The following AEBP2 variants were observed in gnomAD, a reference collection of about 807,000 sequenced individuals.
AEBP2 encodes zinc finger protein AEBP2.
A neutral mutation model predicts 50.8 loss-of-function variants in AEBP2; 10 were observed. That is an observed-to-expected ratio of 0.20 (90% CI 0.12 to 0.33). AEBP2 has a LOEUF of 0.33. AEBP2 is among the 10% of genes least tolerant of loss of function. The pLI is 1.00. For synonymous variants in AEBP2, 296 were observed against 261.3 expected (o/e 1.13, Z -1.28); for missense variants, 570 against 688.0 (o/e 0.83, Z 1.92).
chr12:19,434,182 T>A (rs11044557), intron 1 of AEBP2, among the ~76,000 whole-genome samples: 7,831 of 151,536 alleles, frequency 0.052, 460 homozygotes, highest in East Asian at 0.18. Flanking sequence ...GTAATTTTTT[T>A]TTTTTTTTGA....
At chr12:19,408,559 C>T (rs554523687) in intron 1 of AEBP2, among the ~76,000 whole-genome samples, 6 of 150,482 alleles carry the variant, frequency 4.0e-5, no homozygotes, top group African/African-American at 9.8e-5. Context: ...AAAAAGAAAG[C>T]GTTTTCTCGT....
chr12:19,506,480 A>C (rs1484647749), intron 5 of AEBP2, among the ~76,000 whole-genome samples: 2 of 152,222 alleles, frequency 1.3e-5, no homozygotes, highest in African/African-American at 4.8e-5. Context: ...AACTGTACCC[A>C]TTGAAAGTAT....
chr12:19,479,648 T>G (rs1948696596), intron 3 of AEBP2, among the ~76,000 whole-genome samples: 1 of 150,112 alleles, frequency 6.7e-6, no homozygotes, highest in Non-Finnish European at 1.5e-5. Flanking sequence ...TGGGTGCATA[T>G]ATATTTAGGA....
chr12:19,429,490 C>T (rs532241636), intron 1 of AEBP2, among the ~76,000 whole-genome samples: 3 of 152,132 alleles, frequency 2.0e-5, no homozygotes, highest in Non-Finnish European at 4.4e-5. Context: ...TGGGTATATA[C>T]CCAGTAATGG....
In AEBP2 at chr12:19,518,504, A is replaced by ACAT. The variant is rs1565741532; in HGVS notation, c.*388_*390dup. Reference sequence around the variant, plus strand: ...TATATTGGAAAGAAAAACAATTACAACATGTGCCCTTACAAATACCAAAAG... The same window carrying ACAT: ...TATATTGGAAAGAAAAACAATTACAACATCATGTGCCCTTACAAATACCAAAAG... On this transcript the variant is annotated 3_prime_UTR_variant, in exon 8 of 8. Transcript: ENST00000266508. 5 of 1,254,076 alleles carry ACAT rather than the reference A, an allele frequency of 4.0e-6. No individual in the cohort carries two copies. Among genetic ancestry groups the ACAT allele is most frequent in the Admixed American group, 3.9e-5 (1 of 25,518 alleles). 77.7% of individuals were successfully genotyped at this position (1,254,076 alleles called of 1,614,324 possible).
chr12:19,484,711 G>A (rs1565725957), intron 3 of AEBP2, among the ~76,000 whole-genome samples: 1 of 151,828 alleles, frequency 6.6e-6, no homozygotes. Flanking sequence ...TTCATTATGG[G>A]TTAGGTTGAA....
intron 1 of AEBP2, among the ~76,000 whole-genome samples, chr12:19,451,086 A>G (rs764185159): frequency 1.3e-5 from 2 of 152,318 alleles, no homozygotes; most frequent in East Asian, 1.9e-4. Flanking sequence ...TTAGAGTTGT[A>G]AGCATTACAG....
At chr12:19,417,991 T>C (rs1344951811) in intron 1 of AEBP2, among the ~76,000 whole-genome samples, 1 of 152,136 alleles carries the variant, frequency 6.6e-6, no homozygotes, top group East Asian at 1.9e-4. Context: ...CATGAGGCAC[T>C]GCGCCCGGCC....
intron 1 of AEBP2, among the ~76,000 whole-genome samples, chr12:19,404,689 G>T (rs1352480136): frequency 2.0e-5 from 3 of 152,226 alleles, no homozygotes; most frequent in Middle Eastern, 3.4e-3. Flanking sequence ...ACTGGGTTCC[G>T]CAGAAAAGAA....
chr12:19,463,951 T>C (rs1379839265), intron 2 of AEBP2, among the ~76,000 whole-genome samples: 1 of 152,032 alleles, frequency 6.6e-6, no homozygotes, highest in Non-Finnish European at 1.5e-5. Context: ...CAGGCGTGAG[T>C]CACCGTGTGT....
chr12:19,427,549 T>A (rs1202350159), intron 1 of AEBP2, among the ~76,000 whole-genome samples: 1 of 150,732 alleles, frequency 6.6e-6, no homozygotes, highest in Non-Finnish European at 1.5e-5. Context: ...ATAACCAGCT[T>A]TCCTGGTTCT....
At chr12:19,469,334 T>C (rs1338368141) in intron 2 of AEBP2, among the ~76,000 whole-genome samples, 1 of 152,228 alleles carries the variant, frequency 6.6e-6, no homozygotes, top group Non-Finnish European at 1.5e-5. Flanking sequence ...CAGTGTCTAA[T>C]ATAAACCCAG....
At chr12:19,518,026 T>A in intron 7 of AEBP2, 61 bp from the exon 8 acceptor site, 1 of 1,464,500 alleles carries the variant, frequency 6.8e-7, no homozygotes, top group Admixed American at 2.2e-5. Flanking sequence ...TAATGTCTCT[T>A]GAAGCACTCA....
chr12:19,405,646 A>G (rs956712995), intron 1 of AEBP2, among the ~76,000 whole-genome samples: 1 of 152,058 alleles, frequency 6.6e-6, no homozygotes, highest in Non-Finnish European at 1.5e-5. Context: ...AAAGAAATTC[A>G]AGATTTTCCT....
Position 19,425,301 on chromosome 12 carries a change from C to A in AEBP2, c.-17+21085C>A, listed in dbSNP as rs12231091. Reference sequence around the variant, plus strand: ...TAATAAATTCTTCTACTGTTAATACCTCTATAACATCATGCTAGCTGGTAT... The same window carrying A: ...TAATAAATTCTTCTACTGTTAATACATCTATAACATCATGCTAGCTGGTAT... On this transcript the variant is annotated intron_variant, in intron 1 of 3. Coordinates refer to the AEBP2 transcript ENST00000538425. 2.9e-3 allele frequency among the ~76,000 whole-genome samples: 435 copies of A among 152,268 alleles called. 7 individuals are homozygous for A. The East Asian group carries it at 0.042, about 15-fold the overall frequency.
Position 19,439,529 on chromosome 12 carries a change from C to T in AEBP2, c.-171C>T. On this transcript the variant is annotated 5_prime_UTR_variant, in exon 1 of 8. Transcript: ENST00000266508. ...AGTGCGCGTAGTCGCGCGCCTGTCC[C>T]CGCGCGGGCTCCGTAGCGCGTGTGC... 1.2e-6 allele frequency: 1 copy of T among 867,992 alleles called. No homozygotes were observed. The highest frequency in any genetic ancestry group is 1.7e-6 in the Non-Finnish European group (1 of 603,262). The allele number at this position is 867,992 out of a possible 1,614,324, so 53.8% of individuals were successfully genotyped here. A position where few individuals can be genotyped will look rare whatever the true frequency, so the allele number is the denominator to read the frequency against.
At chr12:19,478,850 T>A (rs551094548) in intron 3 of AEBP2, among the ~76,000 whole-genome samples, 10 of 152,270 alleles carry the variant, frequency 6.6e-5, no homozygotes, top group Middle Eastern at 3.4e-3. Flanking sequence ...TAATTTAGAT[T>A]TTTTAAAAAA....
chr12:19,517,276 T>A (rs1949333855), intron 7 of AEBP2, among the ~76,000 whole-genome samples: 1 of 152,170 alleles, frequency 6.6e-6, no homozygotes, highest in Non-Finnish European at 1.5e-5. Context: ...TGTGCACATG[T>A]CAAAATGAAA....
intron 2 of AEBP2, among the ~76,000 whole-genome samples, 155 bp downstream of exon 2, chr12:19,462,872 C>T (rs568572689): frequency 2.6e-5 from 4 of 152,196 alleles, no homozygotes; most frequent in Admixed American, 1.3e-4. Flanking sequence ...TTCCCATATA[C>T]TTGATAGAAT....
Sources: gnomAD v4.1 joint callset for allele counts (sites outside exome capture counted in the v4.1 genomes callset) on GRCh38, gnomAD v4.1.1 for gene constraint, MANE v1.5 for transcripts, NCBI Gene and HGNC (gene_info 2026-07-23, HGNC 2026-07-21) for gene names.